Variants in DGKB observed in about 807,000 individuals in gnomAD.
DGKB encodes the protein diacylglycerol kinase beta, also known as 90 kDa diacylglycerol kinase.
DGKB carries 67 observed loss-of-function variants against 114.3 expected under a neutral mutation model. The ratio of observed to expected loss-of-function variants is 0.59; its 90% CI spans 0.48 to 0.72. The LOEUF is 0.72. Among genes scored for constraint, DGKB ranks in the 30% least tolerant of loss-of-function variants. DGKB has a pLI of 0.00. For synonymous variants in DGKB, 398 were observed against 323.1 expected, an observed-to-expected ratio of 1.23 and a Z score of -2.49; for missense variants, 907 against 975.2, an observed-to-expected ratio of 0.93 and a Z score of 0.93.
chr7:14,184,343 G>A (rs1276423269), intron 23 of DGKB, among the ~76,000 whole-genome samples: 4 of 152,174 alleles, frequency 2.6e-5, no homozygotes, highest in Non-Finnish European at 4.4e-5. Flanking sequence ...CCACAGGCAG[G>A]GGAAGAACCA....
chr7:14,678,613 A>G (rs186339544), intron 12 of DGKB, among the ~76,000 whole-genome samples: 109 of 152,128 alleles, frequency 7.2e-4, no homozygotes, highest in African/African-American at 2.3e-3. Flanking sequence ...AACTTGATGC[A>G]AGGGGTGTTG....
chr7:14,503,567 G>A (rs1166128423), intron 20 of DGKB, among the ~76,000 whole-genome samples: 1 of 152,088 alleles, frequency 6.6e-6, no homozygotes, highest in Non-Finnish European at 1.5e-5. Context: ...TATGGAAGTG[G>A]TTTTAAAAAA....
At chr7:14,214,864 G>A (rs529185145) in intron 23 of DGKB, among the ~76,000 whole-genome samples, 1 of 152,160 alleles carries the variant, frequency 6.6e-6, no homozygotes, top group African/African-American at 2.4e-5. Context: ...AATTGAGAAG[G>A]CCAATGCCTG....
chr7:14,805,059 AG>A (rs1842629250), intron 2 of DGKB, among the ~76,000 whole-genome samples: 1 of 152,090 alleles, frequency 6.6e-6, no homozygotes, highest in Non-Finnish European at 1.5e-5. Context: ...CATTTTGAGT[AG>A]AAGATGTTCT....
At position 14,736,121 on chromosome 7, in the gene DGKB, G is replaced by A. The variant is rs1436162968; in HGVS notation, c.242C>T (p.Ala81Val). ...GTTGCTAAATGACATGAAAAGGTGT[G>A]CAGTGAAATCATCAGGAAGCTCGGC... The part of the protein sequence containing the change: ...LEAELPDDFT[A>V]HLFMSFSNKF... The change falls in exon 5 of 26, where the codon GCA (alanine) becomes GTA (valine). Residue 81 changes from alanine to valine, a missense_variant. Coordinates refer to ENST00000402815, the MANE Select transcript of DGKB (RefSeq NM_001350709.2). The A allele has an allele frequency of 1.2e-6, 2 of 1,608,500 alleles. No individual in the cohort carries two copies. The highest frequency in any genetic ancestry group is 2.7e-5 in the African/African-American group (2 of 74,794).
intron 17 of DGKB, among the ~76,000 whole-genome samples, chr7:14,596,576 G>A: frequency 6.6e-6 from 1 of 152,004 alleles, no homozygotes; most frequent in East Asian, 1.9e-4. Flanking sequence ...CATATTATAA[G>A]TCTCAGGGTT....
chr7:14,924,956 C>A (rs1784679431), intron 1 of DGKB, among the ~76,000 whole-genome samples: 1 of 152,124 alleles, frequency 6.6e-6, no homozygotes, highest in Non-Finnish European at 1.5e-5. Flanking sequence ...AACCTGGCAA[C>A]CACAGATGTT....
intron 1 of DGKB, among the ~76,000 whole-genome samples, chr7:14,943,324 T>C (rs1004948248): frequency 3.4e-5 from 5 of 148,570 alleles, no homozygotes; most frequent in South Asian, 2.4e-4. Context: ...GTATGCATAA[T>C]ATGCCATAAG....
At chr7:14,399,192 T>G (rs1339812459) in intron 21 of DGKB, among the ~76,000 whole-genome samples, 1 of 151,880 alleles carries the variant, frequency 6.6e-6, no homozygotes, top group Admixed American at 6.6e-5. Flanking sequence ...ATAAAAGTGG[T>G]CTAAAGCTAT....
intron 1 of DGKB, among the ~76,000 whole-genome samples, chr7:14,854,527 T>C (rs540081014): frequency 5.0e-4 from 76 of 152,288 alleles, no homozygotes; most frequent in African/African-American, 1.8e-3. Context: ...TAGATTCTCA[T>C]AAGGAGTACA....
At chr7:14,199,931 A>G (rs1785582249) in intron 23 of DGKB, among the ~76,000 whole-genome samples, 1 of 152,018 alleles carries the variant, frequency 6.6e-6, no homozygotes. Flanking sequence ...ACAAACAAAA[A>G]CAAAATCTAG....
chr7:14,968,963 T>A (rs1787313600), intron 1 of DGKB, among the ~76,000 whole-genome samples: 1 of 152,104 alleles, frequency 6.6e-6, no homozygotes, highest in Non-Finnish European at 1.5e-5. Context: ...TATAAGAGAG[T>A]CCATTCACTT....
At chr7:14,510,571 C>T (rs145156160) in intron 20 of DGKB, among the ~76,000 whole-genome samples, 1 of 152,124 alleles carries the variant, frequency 6.6e-6, no homozygotes, top group African/African-American at 2.4e-5. Context: ...CAGAGTCATA[C>T]ATGAGGGTTG....
chr7:14,443,197 G>A (rs1830301071), intron 21 of DGKB, among the ~76,000 whole-genome samples: 1 of 151,892 alleles, frequency 6.6e-6, no homozygotes, highest in South Asian at 2.1e-4. Context: ...GCTTCCTCAT[G>A]TTTTCCTTTT....
intron 21 of DGKB, among the ~76,000 whole-genome samples, chr7:14,380,992 C>T (rs540751216): frequency 6.6e-5 from 10 of 152,302 alleles, no homozygotes; most frequent in Admixed American, 3.3e-4. Context: ...AGAACTACTA[C>T]ATGCAGAAGG....
intron 23 of DGKB, among the ~76,000 whole-genome samples, chr7:14,264,344 A>G (rs191566808): frequency 1.3e-5 from 2 of 152,310 alleles, no homozygotes; most frequent in Admixed American, 1.3e-4. Context: ...TGATTTCTAT[A>G]TTAAATAGGC....
chr7:14,302,114 TAGACACA>T (rs1803667491), intron 23 of DGKB, among the ~76,000 whole-genome samples: 1 of 152,080 alleles, frequency 6.6e-6, no homozygotes. Flanking sequence ...TAAATGTACC[TAGACACA>T]AAAGAATAGA....
At chr7:14,243,007 A>G (rs963232041) in intron 23 of DGKB, among the ~76,000 whole-genome samples, 9 of 152,120 alleles carry the variant, frequency 5.9e-5, no homozygotes, top group East Asian at 1.9e-4. Context: ...GAGATTGGAA[A>G]AGGGTAAGAT....
At chr7:14,422,654 T>C (rs1364730034) in intron 21 of DGKB, among the ~76,000 whole-genome samples, 1 of 152,026 alleles carries the variant, frequency 6.6e-6, no homozygotes, top group Admixed American at 6.6e-5. Flanking sequence ...GTTTTTTGTT[T>C]GTTTTAGCAG....
Sources: gnomAD v4.1 joint callset for allele counts (sites outside exome capture counted in the v4.1 genomes callset) on GRCh38, gnomAD v4.1.1 for gene constraint, MANE v1.5 for transcripts, NCBI Gene and HGNC (gene_info 2026-07-23, HGNC 2026-07-21) for gene names.